Variants in ADGRF5 observed in about 807,000 individuals in gnomAD.
ADGRF5 encodes the protein G-protein coupled receptor 116.
ADGRF5 carries 75 observed loss-of-function variants against 132.3 expected under a neutral mutation model. The observed-to-expected ratio is 0.57, with a 90% CI of 0.47 to 0.69. The LOEUF (loss-of-function observed/expected upper bound fraction) is 0.69, where lower values mean the gene tolerates loss of function less well. Among genes scored for constraint, ADGRF5 ranks in the 30% least tolerant of loss-of-function variants. ADGRF5 has a pLI of 0.00. For synonymous variants in ADGRF5, 629 were observed against 597.6 expected (o/e 1.05, Z -0.77); for missense variants, 1,516 against 1,630.6 (o/e 0.93, Z 1.21).
chr6:46,875,745 C>G (rs1172214575), intron 10 of ADGRF5, among the ~76,000 whole-genome samples: 1 of 152,088 alleles, frequency 6.6e-6, no homozygotes, highest in African/African-American at 2.4e-5. Context: ...CCACTGCACT[C>G]CAGCCTGGGT....
At chr6:46,942,537 G>A (rs1040554364) in intron 1 of ADGRF5, among the ~76,000 whole-genome samples, 21 of 152,042 alleles carry the variant, frequency 1.4e-4, no homozygotes, top group South Asian at 6.2e-4. Context: ...AAAGAGAGAC[G>A]GTGCAATTTT....
At chr6:46,859,913 C>T (rs1452116519) in intron 16 of ADGRF5, among the ~76,000 whole-genome samples, 1 of 151,928 alleles carries the variant, frequency 6.6e-6, no homozygotes, top group Non-Finnish European at 1.5e-5. Flanking sequence ...TGGTTTTGAA[C>T]TCCTGATCTC....
At position 46,883,744 on chromosome 6, in the gene ADGRF5, T is replaced by C. The variant is rs1164392163; in HGVS notation, c.506-79A>G. On this transcript the variant is annotated intron_variant, in intron 5 of 20. Transcript: ENST00000283296. The stretch of plus-strand genomic sequence containing the variant: ...CAAACCAGAAACATTTGTAAGCTGT[T>C]TTTGTTTGTTTGTTTCAGATGGAGT... The C allele has an allele frequency of 6.3e-6, 5 of 796,918 alleles. No homozygotes were observed. In the East Asian group the frequency reaches 1.3e-4, roughly 21 times the overall value. The allele number at this position is 796,918 out of a possible 1,614,324, so 49.4% of individuals were successfully genotyped here. A position where few individuals can be genotyped will look rare whatever the true frequency, so the allele number is the denominator to read the frequency against.
At chr6:46,923,129 G>A (rs965558380), upstream of ADGRF5, among the ~76,000 whole-genome samples, 3 of 152,302 alleles carry the variant, frequency 2.0e-5, no homozygotes, top group East Asian at 3.9e-4. Flanking sequence ...GTCTCTCCAT[G>A]TTGGCCAGGC....
chr6:46,859,876 G>A (rs9395219), intron 16 of ADGRF5, among the ~76,000 whole-genome samples: 38,400 of 150,024 alleles, frequency 0.26, 5,363 homozygotes, highest in East Asian at 0.38. Context: ...TTTTAGTAGA[G>A]ATGGGGTTTC....
At chr6:46,881,326 G>T in intron 8 of ADGRF5, 129 bp downstream of exon 8, 1 of 720,440 alleles carries the variant, frequency 1.4e-6, no homozygotes, top group Non-Finnish European at 2.4e-6. Flanking sequence ...AGAGGAGGAG[G>T]TGGTACAGAA....
intron 1 of ADGRF5, among the ~76,000 whole-genome samples, chr6:46,918,104 C>T (rs1776585426): frequency 6.6e-6 from 1 of 152,128 alleles, no homozygotes; most frequent in Non-Finnish European, 1.5e-5. Context: ...TTTAGGAAGC[C>T]GGGAAGATTC....
At chr6:46,891,101 T>C (rs1045258025) in intron 3 of ADGRF5, among the ~76,000 whole-genome samples, 9 of 152,260 alleles carry the variant, frequency 5.9e-5, no homozygotes, top group Non-Finnish European at 1.2e-4. Flanking sequence ...GTCTGTCGCA[T>C]ATTTTCCTAA....
At chr6:46,897,439 C>A (rs1472157101) in intron 3 of ADGRF5, among the ~76,000 whole-genome samples, 1 of 152,126 alleles carries the variant, frequency 6.6e-6, no homozygotes, top group East Asian at 1.9e-4. Context: ...GAATAGCAAT[C>A]TGAAAATCAG....
At chr6:46,939,591 A>C (rs1345054480) in intron 1 of ADGRF5, among the ~76,000 whole-genome samples, 1 of 152,202 alleles carries the variant, frequency 6.6e-6, no homozygotes, top group Non-Finnish European at 1.5e-5. Context: ...GTTAATTTCA[A>C]TTATTTTTAG....
chr6:46,954,489 A>G (rs541278558), intron 1 of ADGRF5, among the ~76,000 whole-genome samples: 1 of 152,306 alleles, frequency 6.6e-6, no homozygotes, highest in Non-Finnish European at 1.5e-5. Flanking sequence ...GAAAATAAGA[A>G]TCGACACCAT....
In ADGRF5 at chr6:46,856,848, A is replaced by G. The variant is rs767574046; in HGVS notation, c.3816+19T>C. On this transcript the variant is annotated intron_variant, in intron 18 of 20. Coordinates refer to ENST00000283296, the MANE Select transcript of ADGRF5 (RefSeq NM_001098518.2). ...CACTTCAGACTTTTCTAGAAACATG[A>G]AACTGTCATTGCTCTTACCTTCAGA... 2.5e-6 allele frequency: 4 copies of G among 1,608,366 alleles called. No homozygotes were observed. In the African/African-American group the frequency reaches 5.3e-5, roughly 22 times the overall value.
chr6:46,936,456 T>C (rs1363159027), intron 1 of ADGRF5, among the ~76,000 whole-genome samples: 7 of 152,192 alleles, frequency 4.6e-5, no homozygotes, highest in East Asian at 3.8e-4. Flanking sequence ...AAAGGGTAAA[T>C]CTAATTGTAT....
At chr6:46,942,398 TG>T (rs1215128679) in intron 1 of ADGRF5, among the ~76,000 whole-genome samples, 2 of 152,228 alleles carry the variant, frequency 1.3e-5, no homozygotes, top group Non-Finnish European at 2.9e-5. Flanking sequence ...CTATTAGAGA[TG>T]CTTAAGAGGG....
chr6:46,858,300 G>A lies in ADGRF5; in HGVS notation c.3603C>T (p.Ser1201=). The A allele has an allele frequency of 6.2e-7, 1 of 1,613,962 alleles. No individual in the cohort carries two copies. The highest frequency in any genetic ancestry group is 1.1e-5 in the South Asian group (1 of 91,074). Residue 1201 remains serine (S), a synonymous_variant, in exon 17 of 21, where the codon TCC becomes TCT. Coordinates refer to ENST00000283296, the MANE Select transcript of ADGRF5 (RefSeq NM_001098518.2). ...CCTGCTTGCATGGCTTGTCTCCAAT[G>A]GAAGGCCTCAGGATCTTGGTGATGA... ...IVVITKILRP[S]IGDKPCKQEK... is the part of the protein sequence containing the mutation.
intron 1 of ADGRF5, among the ~76,000 whole-genome samples, chr6:46,914,911 A>C (rs1776299803): frequency 6.6e-6 from 1 of 151,816 alleles, no homozygotes. Context: ...GCTGGAGTGC[A>C]ATGGCATGAT....
Position 46,890,332 on chromosome 6 carries a change from A to T in ADGRF5, c.158-1827T>A, listed in dbSNP as rs186262976. On this transcript the variant is annotated intron_variant, in intron 3 of 20. Coordinates refer to ENST00000283296, the MANE Select transcript of ADGRF5 (RefSeq NM_001098518.2). ...TGTTTTGAACTCTTGGGCTCAAGCG[A>T]TCTGCCTGCCTTGGCCTCCCAAAGT... is the stretch of plus-strand genomic sequence containing the variant. Among the ~76,000 whole-genome samples the T allele has an allele frequency of 1.6e-4, 24 of 152,110 alleles. No homozygotes were observed. The East Asian group carries it at 4.5e-3, about 29-fold the overall frequency.
intron 10 of ADGRF5, 92 bp downstream of exon 10, chr6:46,878,110 T>C: frequency 2.5e-6 from 2 of 814,758 alleles, no homozygotes; most frequent in Admixed American, 2.0e-5. Flanking sequence ...AACAGCCATC[T>C]GACATTTCCC....
chr6:46,854,109 C>T lies in ADGRF5; in HGVS notation c.3962-38G>A, dbSNP rs771053869. 8.3e-6 allele frequency: 12 copies of T among 1,438,200 alleles called. No individual in the cohort carries two copies. The East Asian group carries it at 2.7e-4, about 32-fold the overall frequency. The allele number at this position is 1,438,200 out of a possible 1,614,324, so 89.1% of individuals were successfully genotyped here. ...GCAGCAACTCAGCCTTGAAGACAAGCCATCATGAACTCTGGGGTGTGAACA... is the reference window on the plus strand; with the variant it reads ...GCAGCAACTCAGCCTTGAAGACAAGTCATCATGAACTCTGGGGTGTGAACA... On this transcript the variant is annotated intron_variant, in intron 20 of 20. Coordinates refer to ENST00000283296, the MANE Select transcript of ADGRF5 (RefSeq NM_001098518.2).
Sources: allele counts gnomAD v4.1 joint callset (sites outside exome capture counted in the v4.1 genomes callset), GRCh38; gene constraint gnomAD v4.1.1; transcripts MANE v1.5; gene names NCBI Gene and HGNC (gene_info 2026-07-23, HGNC 2026-07-21).